Variants in KCNQ1 observed in about 807,000 individuals in gnomAD.
KCNQ1 encodes the protein potassium voltage-gated channel subfamily KQT member 1.
In KCNQ1, 49 loss-of-function variants were observed where a neutral mutation model predicts 72.4. The ratio of observed to expected loss-of-function variants is 0.68; its 90% confidence interval spans 0.54 to 0.86. KCNQ1 has a LOEUF of 0.86. KCNQ1 is among the 40% of genes least tolerant of loss of function. The pLI is 0.00. For missense variants in KCNQ1, 790 were observed against 945.1 expected, an observed-to-expected ratio of 0.84 and a Z score of 2.15; for synonymous variants, 450 against 412.6, an observed-to-expected ratio of 1.09 and a Z score of -1.10.
chr11:2,835,403 A>ATGTGTGCGTGAGCGCGCGCGCGCG lies in KCNQ1; in HGVS notation c.1795-12364_1795-12363insTGTGTGCGTGAGCGCGCGCGCGCG, dbSNP rs1564910696. 9.6e-4 allele frequency among the ~76,000 whole-genome samples: 19 copies of ATGTGTGCGTGAGCGCGCGCGCGCG among 19,706 alleles called. No homozygotes were observed. In the East Asian group the frequency reaches 0.031, roughly 32 times the overall value. 12.9% of individuals were successfully genotyped at this position (19,706 alleles called of 152,430 possible). The stretch of plus-strand genomic sequence containing the variant: ...CCTGCATATAAACCCTGACTCACAC[A>ATGTGTGCGTGAGCGCGCGCGCGCG]CACACACACACACACACACACACAC... On this transcript the variant is annotated intron_variant, in intron 15 of 15. Transcript: ENST00000155840.
rs908234618 is a variant in KCNQ1, at chr11:2,712,155, C to T, written c.1514+50074C>T. ...TTGGAAACCTGAGTGGGGTTTTGTG[C>T]TTGCATCTCATTTAAGCCATGAACA... is the stretch of plus-strand genomic sequence containing the variant. On this transcript the variant is annotated intron_variant, in intron 11 of 15. Coordinates refer to ENST00000155840, the MANE Select transcript of KCNQ1 (RefSeq NM_000218.3). This position sits in a 1 kb window ranked among gnomAD's most constrained non-coding sequence, Gnocchi z 6.4. Among the ~76,000 whole-genome samples, 2 of 152,134 alleles carry T rather than the reference C, an allele frequency of 1.3e-5. No individual in the cohort carries two copies. Among genetic ancestry groups the T allele is most frequent in the African/African-American group, 2.4e-5 (1 of 41,418 alleles).
At chr11:2,472,142 G>T (rs759350722) in intron 1 of KCNQ1, among the ~76,000 whole-genome samples, 56 of 147,124 alleles carry the variant, frequency 3.8e-4, no homozygotes, top group Admixed American at 6.8e-4. Flanking sequence ...GTATAGGTGT[G>T]TGTGTTTTAT....
chr11:2,738,972 G>A (rs932936878), intron 11 of KCNQ1, among the ~76,000 whole-genome samples: 2 of 152,230 alleles, frequency 1.3e-5, no homozygotes, highest in East Asian at 1.9e-4. Context: ...GGCTTGGGGG[G>A]ACCCTGGTAC....
At chr11:2,822,334 C>T (rs1434371677) in intron 15 of KCNQ1, among the ~76,000 whole-genome samples, 2 of 152,190 alleles carry the variant, frequency 1.3e-5, no homozygotes, top group Non-Finnish European at 1.5e-5. Flanking sequence ...CAAGCACCAG[C>T]ACAGCGCCAG....
At chr11:2,743,122 C>G (rs539418528) in intron 11 of KCNQ1, among the ~76,000 whole-genome samples, 1 of 152,330 alleles carries the variant, frequency 6.6e-6, no homozygotes, top group South Asian at 2.1e-4. Context: ...CACAATTGGG[C>G]AGATCTGGGC....
chr11:2,606,354 T>C (rs1483998940), intron 10 of KCNQ1, among the ~76,000 whole-genome samples: 1 of 152,184 alleles, frequency 6.6e-6, no homozygotes, highest in Non-Finnish European at 1.5e-5. Context: ...TTCCCAATGT[T>C]GGAGGTGGGG....
At position 2,651,621 on chromosome 11, in the gene KCNQ1, GCCTGCC is replaced by G. The variant is rs1849757849; in HGVS notation, c.1394-10337_1394-10332del. ...CAGGTCCTCCAAGATTTGCTGATCT[GCCTGCC>G]CCACCTGGGGTCTCTGTCTCTCCCA... On this transcript the variant is annotated intron_variant, in intron 10 of 15. Transcript: ENST00000155840. This position sits in a 1 kb window ranked among gnomAD's most constrained non-coding sequence, Gnocchi z 6.1. 3 of 398,550 alleles carry G rather than the reference GCCTGCC, an allele frequency of 7.5e-6. No homozygotes were observed. The highest frequency in any genetic ancestry group is 1.3e-5 in the Non-Finnish European group (3 of 226,122). The allele number at this position is 398,550 out of a possible 1,614,324, so 24.7% of individuals were successfully genotyped here.
At chr11:2,780,930 G>A (rs538529055) in intron 15 of KCNQ1, among the ~76,000 whole-genome samples, 1 of 152,252 alleles carries the variant, frequency 6.6e-6, no homozygotes, top group East Asian at 1.9e-4. Context: ...CTTGCAGGAC[G>A]TCCCCATTCC....
intron 5 of KCNQ1, 105 bp downstream of exon 5, chr11:2,572,214 C>A: frequency 1.2e-6 from 1 of 818,328 alleles, no homozygotes; most frequent in Admixed American, 2.1e-5. Flanking sequence ...GCCCCGGGGG[C>A]CGGTGGGTGC....
chr11:2,520,679 G>C (rs558134544), intron 1 of KCNQ1, among the ~76,000 whole-genome samples: 29 of 152,348 alleles, frequency 1.9e-4, no homozygotes, highest in African/African-American at 6.5e-4. Context: ...CAGGGATGGA[G>C]GGAGACCTGC....
chr11:2,556,558 GAAATCGC>G (rs1214007539), intron 2 of KCNQ1, among the ~76,000 whole-genome samples: 2 of 152,228 alleles, frequency 1.3e-5, no homozygotes, highest in African/African-American at 4.8e-5. Flanking sequence ...TGTTGCAACA[GAAATCGC>G]GTGGCCTGCA....
At chr11:2,445,591 G>A (rs1002828405) in intron 1 of KCNQ1, 107 bp downstream of exon 1, 25 of 1,298,938 alleles carry the variant, frequency 1.9e-5, no homozygotes, top group Non-Finnish European at 2.5e-5. Flanking sequence ...CGACCCCGGA[G>A]CAGAGGAGGG....
rs1849590221 is a variant in KCNQ1, at chr11:2,642,144, T to C, written c.1394-19817T>C. The C allele has an allele frequency of 2.5e-6, 1 of 398,298 alleles. No individual in the cohort carries two copies. Among genetic ancestry groups the C allele is most frequent in the South Asian group, 1.3e-4 (1 of 7,864 alleles). 24.7% of individuals were successfully genotyped at this position (398,298 alleles called of 1,614,324 possible). A position where few individuals can be genotyped will look rare whatever the true frequency, so the allele number is the denominator to read the frequency against. The stretch of plus-strand genomic sequence containing the variant: ...CATCTGAATTTTAGGATTTTTTCTA[T>C]TTCCATGAAAAATGGCATTGGTATT... On this transcript the variant is annotated intron_variant, in intron 10 of 15. Coordinates refer to ENST00000155840, the MANE Select transcript of KCNQ1 (RefSeq NM_000218.3). This position sits in a 1 kb window ranked among gnomAD's most constrained non-coding sequence, Gnocchi z 4.3.
At chr11:2,641,629 T>A in intron 10 of KCNQ1, 1 of 398,478 alleles carries the variant, frequency 2.5e-6, no homozygotes, top group Non-Finnish European at 4.4e-6. Flanking sequence ...GTGTACAAGC[T>A]TTATCATTTA....
At chr11:2,580,917 C>G (rs1194807848) in intron 6 of KCNQ1, among the ~76,000 whole-genome samples, 1 of 152,228 alleles carries the variant, frequency 6.6e-6, no homozygotes, top group African/African-American at 2.4e-5. Context: ...GAGAGGGGCC[C>G]TTCTGCAGAG....
At position 2,445,109 on chromosome 11, in the gene KCNQ1, C is replaced by T. The variant is rs1205817966; in HGVS notation, c.11C>T (p.Ala4Val). Reference sequence around the variant, plus strand: ...CAGGCCCTCCTCGTTATGGCCGCGGCCTCCTCCCCGCCCAGGGCCGAGAGG... The same window carrying T: ...CAGGCCCTCCTCGTTATGGCCGCGGTCTCCTCCCCGCCCAGGGCCGAGAGG... MAA[A>V]SSPPRAERKR... Residue 4 changes from alanine (A) to valine (V), a missense_variant, in exon 1 of 16, where the codon GCC (alanine) becomes GTC (valine). Physicochemically the swap from Ala to Val is moderately conservative, Grantham distance 64. Around this residue, in one of 5 missense-constraint regions of KCNQ1, gnomAD observed 294 missense variants for 323.3 expected, o/e 0.91. Coordinates refer to ENST00000155840, the MANE Select transcript of KCNQ1 (RefSeq NM_000218.3). 1 of 1,092,430 alleles carries T rather than the reference C, an allele frequency of 9.2e-7. No homozygotes were observed. The allele number at this position is 1,092,430 out of a possible 1,614,324, so 67.7% of individuals were successfully genotyped here.
chr11:2,607,601 G>T (rs1848901979), intron 10 of KCNQ1, among the ~76,000 whole-genome samples: 1 of 152,140 alleles, frequency 6.6e-6, no homozygotes, highest in African/African-American at 2.4e-5. Context: ...GAATCTGCCA[G>T]TGCCTTGACC....
chr11:2,747,583 CCCTCAAGAAACAA>C (rs1846160687), intron 11 of KCNQ1, among the ~76,000 whole-genome samples: 1 of 150,908 alleles, frequency 6.6e-6, no homozygotes, highest in African/African-American at 2.5e-5. Flanking sequence ...AAAGACAGGA[CCCTCAAGAAACAA>C]CCTGTTCCCT....
In KCNQ1 at chr11:2,477,490, C is replaced by G. The variant is rs1433457553; in HGVS notation, c.386+32006C>G. ...AGGTTAGCTGTGAACAAAGTGATCT[C>G]TCTGCTGCCTCACTAGCAGAGAGAA... On this transcript the variant is annotated intron_variant, in intron 1 of 15. Coordinates refer to ENST00000155840, the MANE Select transcript of KCNQ1 (RefSeq NM_000218.3). The surrounding 1 kb of genome is among the most constrained non-coding windows in gnomAD (Gnocchi z 5.0). 1.3e-5 allele frequency among the ~76,000 whole-genome samples: 2 copies of G among 152,162 alleles called. No homozygotes were observed. The highest frequency in any genetic ancestry group is 3.9e-4 in the East Asian group (2 of 5,188).
Sources: gnomAD v4.1 joint callset for allele counts (sites outside exome capture counted in the v4.1 genomes callset) on GRCh38, gnomAD v4.1.1 for gene constraint, gnomAD v4.1.1 regional missense constraint, Gnocchi (gnomAD v3.1) non-coding constraint, MANE v1.5 for transcripts, NCBI Gene and HGNC (gene_info 2026-07-23, HGNC 2026-07-21) for gene names.